The following DIP2B variants were observed in gnomAD, a reference collection of about 807,000 sequenced individuals.
The protein encoded by DIP2B is DIP2 acetate--CoA ligase B (putative).
In DIP2B, 76 loss-of-function variants were observed where a neutral mutation model predicts 198.0. That is an observed-to-expected ratio of 0.38 (90% CI 0.32 to 0.46). The LOEUF (loss-of-function observed/expected upper bound fraction) is 0.46. Among genes scored for constraint, DIP2B ranks in the 20% least tolerant of loss-of-function variants. The probability of loss-of-function intolerance (pLI) is 0.99; values close to 1 mark genes in which losing one functional copy is unlikely to be tolerated. For synonymous variants in DIP2B, 701 were observed against 739.1 expected, an observed-to-expected ratio of 0.95 and a Z score of 0.84; for missense variants, 1,559 against 1,978.4, an observed-to-expected ratio of 0.79 and a Z score of 4.02.
intron 1 of DIP2B, among the ~76,000 whole-genome samples, chr12:50,590,219 G>T (rs968435519): frequency 1.1e-4 from 16 of 151,422 alleles, no homozygotes; most frequent in Non-Finnish European, 2.1e-4. Flanking sequence ...GGCTGATCTC[G>T]AACTCCTGGG....
intron 6 of DIP2B, 135 bp downstream of exon 6, chr12:50,674,764 G>A (rs1032939819): frequency 9.2e-7 from 1 of 1,084,056 alleles, no homozygotes; most frequent in African/African-American, 1.6e-5. Context: ...CTAATCCTGG[G>A]TACCTTTTTT....
At chr12:50,650,120 G>C (rs1938428076) in intron 3 of DIP2B, among the ~76,000 whole-genome samples, 1 of 152,064 alleles carries the variant, frequency 6.6e-6, no homozygotes, top group Admixed American at 6.6e-5. Flanking sequence ...TGAGGCAGGA[G>C]AATCGCTTGA....
chr12:50,588,673 A>T (rs1393496171), intron 1 of DIP2B, among the ~76,000 whole-genome samples: 1 of 152,068 alleles, frequency 6.6e-6, no homozygotes, highest in Non-Finnish European at 1.5e-5. Flanking sequence ...TGTTAGCTAG[A>T]ATTCCGTCTT....
intron 31 of DIP2B, 66 bp downstream of exon 31, chr12:50,731,603 A>G: frequency 6.5e-7 from 1 of 1,539,166 alleles, no homozygotes. Flanking sequence ...AGGACGTAAC[A>G]GGGCCAGAGC....
At chr12:50,685,326 G>A (rs1939114287) in intron 10 of DIP2B, among the ~76,000 whole-genome samples, 1 of 152,138 alleles carries the variant, frequency 6.6e-6, no homozygotes, top group African/African-American at 2.4e-5. Context: ...CTGTTTTTGT[G>A]TAAGGCTTAA....
chr12:50,621,042 C>T (rs1222513518), intron 1 of DIP2B, among the ~76,000 whole-genome samples: 3 of 152,292 alleles, frequency 2.0e-5, no homozygotes, highest in South Asian at 2.1e-4. Context: ...TCTGGGAATT[C>T]GTATTTTTGC....
chr12:50,644,207 A>G (rs189950297), intron 3 of DIP2B, among the ~76,000 whole-genome samples: 3 of 152,276 alleles, frequency 2.0e-5, no homozygotes, highest in Non-Finnish European at 2.9e-5. Context: ...CAAGTATACT[A>G]CCTTATTAGT....
intron 1 of DIP2B, among the ~76,000 whole-genome samples, chr12:50,589,899 T>G (rs934562637): frequency 6.6e-6 from 1 of 152,210 alleles, no homozygotes; most frequent in Non-Finnish European, 1.5e-5. Flanking sequence ...TCTTCCAAGA[T>G]CCTCTTACTG....
At chr12:50,570,706 C>T (rs1958605298) in intron 1 of DIP2B, among the ~76,000 whole-genome samples, 2 of 152,168 alleles carry the variant, frequency 1.3e-5, no homozygotes, top group South Asian at 4.1e-4. Flanking sequence ...GAAACTCGGT[C>T]CCCCAACAAA....
intron 1 of DIP2B, among the ~76,000 whole-genome samples, chr12:50,530,270 C>T (rs900517999): frequency 3.3e-5 from 5 of 152,104 alleles, no homozygotes; most frequent in Admixed American, 1.3e-4. Flanking sequence ...TTAGTAGAGA[C>T]GGGGTTTCAC....
At chr12:50,574,959 G>T (rs781469763) in intron 1 of DIP2B, among the ~76,000 whole-genome samples, 4 of 152,216 alleles carry the variant, frequency 2.6e-5, no homozygotes, top group Admixed American at 6.5e-5. Flanking sequence ...TGGGCAATAA[G>T]TCAAGGTCCA....
chr12:50,507,229 A>G (rs974251281), intron 1 of DIP2B, among the ~76,000 whole-genome samples: 1 of 152,232 alleles, frequency 6.6e-6, no homozygotes, highest in Non-Finnish European at 1.5e-5. Context: ...TGTTTCTTAT[A>G]GATATACTAC....
chr12:50,519,668 G>T, intron 1 of DIP2B, among the ~76,000 whole-genome samples: 1 of 152,150 alleles, frequency 6.6e-6, no homozygotes, highest in Non-Finnish European at 1.5e-5. Flanking sequence ...TTGATTCTGG[G>T]TTGTACTTAC....
At chr12:50,639,720 G>C (rs1220818780) in intron 2 of DIP2B, among the ~76,000 whole-genome samples, 1 of 152,006 alleles carries the variant, frequency 6.6e-6, no homozygotes, top group Non-Finnish European at 1.5e-5. Flanking sequence ...AAGCTGCCTT[G>C]CTGGGCATAA....
intron 1 of DIP2B, among the ~76,000 whole-genome samples, chr12:50,623,392 T>TACACAC (rs55689070): frequency 7.7e-4 from 73 of 94,428 alleles, no homozygotes; most frequent in African/African-American, 2.9e-3. Flanking sequence ...TATATGTATC[T>TACACAC]ACACACACAC....
chr12:50,574,370 T>C (rs1958640238), intron 1 of DIP2B, among the ~76,000 whole-genome samples: 1 of 152,232 alleles, frequency 6.6e-6, no homozygotes, highest in African/African-American at 2.4e-5. Context: ...TTGCTTTTAT[T>C]ACTGATAAAG....
rs796295028 is a variant in DIP2B, at chr12:50,521,119, T to A, written c.100+15879T>A. ...GTTTTTTTTTTTTTTTTTTTTTTTT[T>A]AATTTGAGATGGAGTCTCCCTCTGT... On this transcript the variant is annotated intron_variant, in intron 1 of 37. Transcript: ENST00000301180. 4.2e-3 allele frequency among the ~76,000 whole-genome samples: 507 copies of A among 121,514 alleles called. 4 individuals are homozygous for A. Among genetic ancestry groups the A allele is most frequent in the African/African-American group, 0.015 (474 of 31,278 alleles). 79.7% of individuals were successfully genotyped at this position (121,514 alleles called of 152,430 possible). A position where few individuals can be genotyped will look rare whatever the true frequency, so the allele number is the denominator to read the frequency against.
rs553164627 is a variant in DIP2B at position 50,591,512 on chromosome 12, A to C, written c.101-34464A>C. ...GAGTACAGTGGCATGATCTCAGCTCACTGTATCCTTTGCCTCCTGGGCTCA... is the reference window on the plus strand; with the variant it reads ...GAGTACAGTGGCATGATCTCAGCTCCCTGTATCCTTTGCCTCCTGGGCTCA... On this transcript the variant is annotated intron_variant, in intron 1 of 37. Coordinates refer to ENST00000301180, the MANE Select transcript of DIP2B (RefSeq NM_173602.3). 3.2e-4 allele frequency among the ~76,000 whole-genome samples: 49 copies of C among 151,922 alleles called. No individual in the cohort carries two copies. In the Middle Eastern group the frequency reaches 0.017, roughly 53 times the overall value.
At chr12:50,506,394 G>A (rs1175805197) in intron 1 of DIP2B, among the ~76,000 whole-genome samples, 1 of 152,104 alleles carries the variant, frequency 6.6e-6, no homozygotes, top group Non-Finnish European at 1.5e-5. Context: ...ACTTATTAAG[G>A]CATTATGGTT....
Sources: allele counts gnomAD v4.1 joint callset (sites outside exome capture counted in the v4.1 genomes callset), GRCh38; gene constraint gnomAD v4.1.1; transcripts MANE v1.5; gene names NCBI Gene and HGNC (gene_info 2026-07-23, HGNC 2026-07-21).